Variants in SORCS1 observed in about 807,000 individuals in gnomAD.
SORCS1 encodes the protein sortilin related VPS10 domain containing receptor 1.
In SORCS1, 60 loss-of-function variants were observed where a neutral mutation model predicts 146.1. The observed-to-expected ratio is 0.41, with a 90% CI of 0.33 to 0.51. The LOEUF (loss-of-function observed/expected upper bound fraction) is 0.51. Ranked by LOEUF, SORCS1 falls within the 20% of genes least tolerant of loss-of-function variation. The pLI, the probability that SORCS1 is intolerant of heterozygous loss-of-function variation, is 0.21. For missense variants in SORCS1, 1,352 were observed against 1,487.6 expected (o/e 0.91, Z 1.50); for synonymous variants, 637 against 584.0 (o/e 1.09, Z -1.31).
chr10:107,154,391 G>C (rs556568908), intron 1 of SORCS1, among the ~76,000 whole-genome samples: 4 of 152,132 alleles, frequency 2.6e-5, no homozygotes, highest in Admixed American at 1.3e-4. Context: ...GTACTATTTT[G>C]TAATCTTTTA....
intron 10 of SORCS1, among the ~76,000 whole-genome samples, 162 bp from the exon 11 acceptor site, chr10:106,679,896 T>A (rs1852309931): frequency 6.6e-6 from 1 of 151,982 alleles, no homozygotes; most frequent in South Asian, 2.1e-4. Context: ...ACATCTTCCA[T>A]CCCCCAAATA....
intron 1 of SORCS1, among the ~76,000 whole-genome samples, chr10:107,019,061 A>G (rs867342613): frequency 9.2e-5 from 14 of 152,292 alleles, no homozygotes; most frequent in Admixed American, 2.6e-4. Flanking sequence ...ATCCCAGCTC[A>G]TATCTCAGCT....
chr10:106,908,819 A>G (rs1952022390), intron 2 of SORCS1, among the ~76,000 whole-genome samples: 1 of 152,200 alleles, frequency 6.6e-6, no homozygotes. Context: ...TGGTGACTTC[A>G]AGAACGAATC....
At chr10:106,645,184 T>G (rs1180798871) in intron 18 of SORCS1, among the ~76,000 whole-genome samples, 3 of 150,916 alleles carry the variant, frequency 2.0e-5, no homozygotes, top group Non-Finnish European at 4.4e-5. Context: ...TTTTTTTTTT[T>G]TTGAGAGGGA....
rs199914063 is a variant in SORCS1 at position 106,992,821 on chromosome 10, TCTTTC to T, written c.559-36246_559-36242del. Reference sequence around the variant, plus strand: ...GAGCTAATTTCTTTCTTCCTTTCTTTCTTTCTTTTTTTTTTTTTTTTTTTTTTTTG... The same window carrying T: ...GAGCTAATTTCTTTCTTCCTTTCTTTTTTTTTTTTTTTTTTTTTTTTTTTG... On this transcript the variant is annotated intron_variant, in intron 1 of 25. Coordinates refer to ENST00000263054, the MANE Select transcript of SORCS1 (RefSeq NM_052918.5). 9.9e-3 allele frequency among the ~76,000 whole-genome samples: 1,104 copies of T among 112,044 alleles called. 78 individuals carry two copies. The highest frequency in any genetic ancestry group is 0.042 in the African/African-American group (1,013 of 24,330). 73.5% of individuals were successfully genotyped at this position (112,044 alleles called of 152,430 possible).
intron 2 of SORCS1, among the ~76,000 whole-genome samples, chr10:106,935,049 C>A (rs866298075): frequency 6.6e-6 from 1 of 151,828 alleles, no homozygotes; most frequent in Non-Finnish European, 1.5e-5. Context: ...ACCACGAGTA[C>A]CCCAAAAACT....
At chr10:107,023,853 T>C (rs1472174567) in intron 1 of SORCS1, among the ~76,000 whole-genome samples, 1 of 152,026 alleles carries the variant, frequency 6.6e-6, no homozygotes, top group Non-Finnish European at 1.5e-5. Context: ...ACCTGGAAGG[T>C]CTTAGTTTAT....
chr10:106,821,782 C>T lies in SORCS1; in HGVS notation c.726+7792G>A, dbSNP rs148165652. Among the ~76,000 whole-genome samples, 617 of 151,962 alleles carry T rather than the reference C, an allele frequency of 4.1e-3. 3 individuals are homozygous for T. The highest frequency in any genetic ancestry group is 0.013 in the African/African-American group (544 of 41,398). On this transcript the variant is annotated intron_variant, in intron 3 of 25. Coordinates refer to ENST00000263054, the MANE Select transcript of SORCS1 (RefSeq NM_052918.5). ...TAAAAATACAAAAAAATTAGCCAGG[C>T]GTGTTGGTGGGCGCCTGTAGTCCCA...
chr10:106,895,562 G>A (rs1951439351), intron 2 of SORCS1, among the ~76,000 whole-genome samples: 1 of 152,216 alleles, frequency 6.6e-6, no homozygotes, highest in African/African-American at 2.4e-5. Context: ...AGTGAGCTAA[G>A]ATTGTGCTAC....
In SORCS1 at chr10:106,982,777, T is replaced by G. The variant is rs1956289743; in HGVS notation, c.559-26197A>C. Among the ~76,000 whole-genome samples, 3 of 152,178 alleles carry G rather than the reference T, an allele frequency of 2.0e-5. No homozygotes were observed. The South Asian group carries it at 6.2e-4, about 31-fold the overall frequency. On this transcript the variant is annotated intron_variant, in intron 1 of 25. Coordinates refer to ENST00000263054, the MANE Select transcript of SORCS1 (RefSeq NM_052918.5). ...CTGGCTGCAGTTTACTAAAACTGCA[T>G]TCCAACATTATCAGAATATTAGCAG...
intron 9 of SORCS1, among the ~76,000 whole-genome samples, chr10:106,689,331 G>A (rs1415667454): frequency 1.3e-5 from 2 of 152,098 alleles, no homozygotes; most frequent in East Asian, 3.8e-4. Context: ...GAAAACTGGA[G>A]GGCAGTGAGG....
intron 2 of SORCS1, among the ~76,000 whole-genome samples, chr10:106,848,953 C>A (rs1177169757): frequency 6.6e-6 from 1 of 150,780 alleles, no homozygotes; most frequent in East Asian, 2.0e-4. Context: ...GCCGAGAGAT[C>A]CGCTGTTAGT....
chr10:106,610,497 T>C (rs903396130), intron 22 of SORCS1, among the ~76,000 whole-genome samples: 1 of 152,132 alleles, frequency 6.6e-6, no homozygotes. Flanking sequence ...TAACCAAATA[T>C]TAACAAAGGT....
chr10:106,925,300 C>A (rs1360170019), intron 2 of SORCS1, among the ~76,000 whole-genome samples: 1 of 152,098 alleles, frequency 6.6e-6, no homozygotes, highest in Non-Finnish European at 1.5e-5. Flanking sequence ...TGGGCCAGCA[C>A]TCAGGCTGCC....
intron 6 of SORCS1, among the ~76,000 whole-genome samples, chr10:106,716,042 C>T (rs1474343846): frequency 6.6e-6 from 1 of 152,214 alleles, no homozygotes; most frequent in African/African-American, 2.4e-5. Context: ...TGAGCCACCA[C>T]ACCCGGCCAC....
intron 2 of SORCS1, among the ~76,000 whole-genome samples, chr10:106,942,890 C>A (rs1328561210): frequency 6.6e-6 from 1 of 152,146 alleles, no homozygotes; most frequent in African/African-American, 2.4e-5. Context: ...GTAAACATGG[C>A]CAGGTTTGTT....
In SORCS1 at chr10:106,887,028, G is replaced by C. The variant is rs190512329; in HGVS notation, c.627-57355C>G. On this transcript the variant is annotated intron_variant, in intron 2 of 25. Coordinates refer to ENST00000263054, the MANE Select transcript of SORCS1 (RefSeq NM_052918.5). ...ATGAGAGTTGATGGCTTCTGAAACAGAGTAGAAATATCAATTACAACAAGT... is the reference window on the plus strand; with the variant it reads ...ATGAGAGTTGATGGCTTCTGAAACACAGTAGAAATATCAATTACAACAAGT... 3.2e-4 allele frequency among the ~76,000 whole-genome samples: 49 copies of C among 152,312 alleles called. No homozygotes were observed. In the East Asian group the frequency reaches 7.5e-3, roughly 23 times the overall value.
intron 10 of SORCS1, among the ~76,000 whole-genome samples, chr10:106,683,355 C>T (rs550371977): frequency 1.3e-5 from 2 of 152,290 alleles, no homozygotes; most frequent in South Asian, 2.1e-4. Context: ...AACTTCTAGC[C>T]TCCAGTGACT....
At chr10:106,826,623 G>C (rs947262195) in intron 3 of SORCS1, among the ~76,000 whole-genome samples, 1 of 152,166 alleles carries the variant, frequency 6.6e-6, no homozygotes, top group African/African-American at 2.4e-5. Flanking sequence ...CTTATAAGTA[G>C]AAAAACTATG....
Sources: allele counts gnomAD v4.1 joint callset (sites outside exome capture counted in the v4.1 genomes callset), GRCh38; gene constraint gnomAD v4.1.1; transcripts MANE v1.5; gene names NCBI Gene and HGNC (gene_info 2026-07-23, HGNC 2026-07-21).